FOXP1: variants seen among roughly 807,000 people sequenced by gnomAD.
FOXP1 encodes the protein forkhead box protein P1.
A neutral mutation model predicts 98.2 loss-of-function variants in FOXP1; 15 were observed. That is an observed-to-expected ratio of 0.15 (90% CI 0.10 to 0.24). The LOEUF (loss-of-function observed/expected upper bound fraction) is 0.24. FOXP1 is among the 10% of genes least tolerant of loss of function. The probability of loss-of-function intolerance (pLI) is 1.00; values close to 1 mark genes in which losing one functional copy is unlikely to be tolerated. For synonymous variants in FOXP1, 371 were observed against 314.5 expected (o/e 1.18, Z -1.90); for missense variants, 633 against 848.5 (o/e 0.75, Z 3.15).
rs2034346802 is a variant in FOXP1 at position 70,964,656 on chromosome 3, GA to G, written c.1889+1233del. Among the ~76,000 whole-genome samples the G allele has an allele frequency of 7.2e-5, 11 of 152,324 alleles. No homozygotes were observed. In the South Asian group the frequency reaches 2.3e-3, roughly 32 times the overall value. On this transcript the variant is annotated intron_variant, in intron 20 of 20. Coordinates refer to ENST00000649528, the MANE Select transcript of FOXP1 (RefSeq NM_001349338.3). ...AACACTAAGTTGCTTTGGAAAGGAT[GA>G]AATATAGCAGCATCAGTGTGAAAGA...
intron 6 of FOXP1, among the ~76,000 whole-genome samples, chr3:71,189,654 T>C (rs1388023515): frequency 6.6e-6 from 1 of 152,202 alleles, no homozygotes; most frequent in African/African-American, 2.4e-5. Flanking sequence ...TGACTCATCA[T>C]TGGTAACTCC....
intron 2 of FOXP1, among the ~76,000 whole-genome samples, chr3:71,516,801 A>G (rs2107393085): frequency 6.6e-6 from 1 of 152,274 alleles, no homozygotes; most frequent in East Asian, 1.9e-4. Context: ...AGCTGAGATC[A>G]CATCACTGCA....
intron 5 of FOXP1, among the ~76,000 whole-genome samples, chr3:71,293,789 C>T (rs907915523): frequency 1.3e-5 from 2 of 152,142 alleles, no homozygotes; most frequent in Non-Finnish European, 2.9e-5. Flanking sequence ...ACTTAAAATG[C>T]AAACATTTAA....
chr3:71,357,965 T>C (rs79827273), intron 4 of FOXP1, among the ~76,000 whole-genome samples: 2 of 152,048 alleles, frequency 1.3e-5, no homozygotes, highest in Non-Finnish European at 1.5e-5. Context: ...AAAAAAAAAC[T>C]AGAAGATTCA....
chr3:71,084,721 TA>T (rs2054834833), intron 7 of FOXP1, among the ~76,000 whole-genome samples: 1 of 152,180 alleles, frequency 6.6e-6, no homozygotes, highest in African/African-American at 2.4e-5. Context: ...TTCTCCTAAA[TA>T]AAATGATTTT....
intron 3 of FOXP1, among the ~76,000 whole-genome samples, chr3:71,464,557 G>A (rs905671313): frequency 6.6e-6 from 1 of 152,208 alleles, no homozygotes; most frequent in Non-Finnish European, 1.5e-5. Flanking sequence ...GCTCCTGGGA[G>A]TTGGGAAGTC....
chr3:71,271,748 C>A (rs182382565), intron 5 of FOXP1, among the ~76,000 whole-genome samples: 1 of 152,088 alleles, frequency 6.6e-6, no homozygotes. Context: ...AGGCTGCTCA[C>A]GTACCAAAAA....
At chr3:70,979,898 T>C (rs1345893372) in intron 14 of FOXP1, among the ~76,000 whole-genome samples, 1 of 151,702 alleles carries the variant, frequency 6.6e-6, no homozygotes, top group Non-Finnish European at 1.5e-5. Flanking sequence ...GAAATACTAA[T>C]GGAAAAATGT....
At chr3:71,199,370 GC>G (rs2063511138) in intron 5 of FOXP1, among the ~76,000 whole-genome samples, 1 of 152,034 alleles carries the variant, frequency 6.6e-6, no homozygotes. Flanking sequence ...CTCCCGAAGT[GC>G]TGGGATTACA....
intron 6 of FOXP1, 198 bp downstream of exon 6, chr3:71,198,004 C>T (rs1165605660): frequency 6.2e-7 from 1 of 1,614,248 alleles, no homozygotes; most frequent in Admixed American, 1.7e-5. Flanking sequence ...CTCCCAAGGG[C>T]TTGAAATTAG....
At chr3:71,418,106 T>C (rs547067706) in intron 3 of FOXP1, among the ~76,000 whole-genome samples, 4 of 144,082 alleles carry the variant, frequency 2.8e-5, no homozygotes, top group African/African-American at 1.1e-4. Context: ...TGAAATTCTG[T>C]GTGCTTGTGG....
At chr3:71,078,051 C>T (rs907235122) in intron 7 of FOXP1, among the ~76,000 whole-genome samples, 12 of 152,168 alleles carry the variant, frequency 7.9e-5, no homozygotes, top group Admixed American at 3.3e-4. Flanking sequence ...AGGCTGCTCT[C>T]GAACTCCTGA....
intron 13 of FOXP1, among the ~76,000 whole-genome samples, chr3:70,998,661 C>T (rs763265556): frequency 2.6e-4 from 40 of 152,266 alleles, no homozygotes; most frequent in Non-Finnish European, 3.8e-4. Flanking sequence ...AATCTGCCTT[C>T]AGTTTGATTT....
chr3:71,141,316 A>G (rs1378637692), intron 6 of FOXP1, among the ~76,000 whole-genome samples: 1 of 150,720 alleles, frequency 6.6e-6, no homozygotes, highest in Non-Finnish European at 1.5e-5. Flanking sequence ...CAGACTGTCC[A>G]TGACTTGAAA....
intron 6 of FOXP1, among the ~76,000 whole-genome samples, chr3:71,152,633 G>C (rs945022494): frequency 6.6e-6 from 1 of 152,062 alleles, no homozygotes; most frequent in African/African-American, 2.4e-5. Context: ...TGACTTACTA[G>C]TTCTATGACC....
intron 4 of FOXP1, among the ~76,000 whole-genome samples, chr3:71,314,105 TTAGAA>T (rs1480250637): frequency 1.3e-5 from 2 of 152,220 alleles, no homozygotes; most frequent in African/African-American, 4.8e-5. Flanking sequence ...TCATAAGTAC[TTAGAA>T]TAGTGTATGG....
chr3:71,508,520 G>C (rs1341596821), intron 2 of FOXP1, among the ~76,000 whole-genome samples: 1 of 152,188 alleles, frequency 6.6e-6, no homozygotes. Context: ...AGGCCTCTGT[G>C]AGTTAGAAAT....
intron 3 of FOXP1, among the ~76,000 whole-genome samples, chr3:71,367,315 T>C (rs569597006): frequency 1.3e-5 from 2 of 152,306 alleles, no homozygotes; most frequent in South Asian, 2.1e-4. Flanking sequence ...CTCTCTCACA[T>C]ACACATACAC....
Position 71,144,409 on chromosome 3 carries a change from G to T in FOXP1, c.181-31772C>A, listed in dbSNP as rs374388507. 3.1e-4 allele frequency among the ~76,000 whole-genome samples: 47 copies of T among 152,294 alleles called. 1 individual carries two copies. In the South Asian group the frequency reaches 7.9e-3, roughly 26 times the overall value. On this transcript the variant is annotated intron_variant, in intron 6 of 20. Coordinates refer to ENST00000649528, the MANE Select transcript of FOXP1 (RefSeq NM_001349338.3). Reference sequence around the variant, plus strand: ...TGGTGCCCTGGGAACCCTGACAGGAGCAAGAAATGTCCAAGACTGGGTGTT... The same window carrying T: ...TGGTGCCCTGGGAACCCTGACAGGATCAAGAAATGTCCAAGACTGGGTGTT...
Sources: allele counts gnomAD v4.1 joint callset (sites outside exome capture counted in the v4.1 genomes callset), GRCh38; gene constraint gnomAD v4.1.1; transcripts MANE v1.5; gene names NCBI Gene and HGNC (gene_info 2026-07-23, HGNC 2026-07-21).